Variants in CEP295NL observed in about 807,000 individuals in gnomAD.
CEP295NL encodes protein DDC8 homolog.
CEP295NL carries 3 observed loss-of-function variants against 4.6 expected under a neutral mutation model. That is an observed-to-expected ratio of 0.65 (90% CI 0.30 to 1.69). The LOEUF is 1.69. Among genes scored for constraint, CEP295NL ranks in the 40% most tolerant of loss-of-function variants. CEP295NL has a pLI of 0.10. For missense variants in CEP295NL, 719 were observed against 769.0 expected (o/e 0.93, Z 0.77); for synonymous variants, 295 against 312.2 (o/e 0.94, Z 0.58).
At position 78,890,755 on chromosome 17, in the gene CEP295NL, G is replaced by A; in HGVS notation, c.1749C>T (p.Asp583=). ...SPSGTSLADD[D]RHSQMIRDQQ... is the part of the protein sequence containing the mutation. Reference sequence around the variant, plus strand: ...GGTCTCGGATCATCTGACTGTGCCGGTCGTCGTCGGCGAGGCTGGTGCCCG... The same window carrying A: ...GGTCTCGGATCATCTGACTGTGCCGATCGTCGTCGGCGAGGCTGGTGCCCG... The change falls in exon 3 of 3, where the codon GAC becomes GAT. Residue 583 remains aspartate (D), a synonymous_variant. Coordinates refer to ENST00000322630, the MANE Select transcript of CEP295NL (RefSeq NM_001243540.2). 1 of 1,550,662 alleles carries A rather than the reference G, an allele frequency of 6.4e-7. No individual in the cohort carries two copies.
intron 2 of CEP295NL, among the ~76,000 whole-genome samples, chr17:78,893,305 G>T (rs1438296848): frequency 6.8e-6 from 1 of 146,082 alleles, no homozygotes; most frequent in Non-Finnish European, 1.5e-5. Flanking sequence ...GTGTGCAGGG[G>T]TGTATGTGCA....
Position 78,892,155 on chromosome 17 carries a change from C to T in CEP295NL, c.349G>A (p.Gly117Arg). 3 of 1,550,952 alleles carry T rather than the reference C, an allele frequency of 1.9e-6. No homozygotes were observed. The highest frequency in any genetic ancestry group is 2.6e-6 in the Non-Finnish European group (3 of 1,147,112). ...TGCAGGTGCTGTGCCTCCTGATACC[C>T]TCTCCTCAACTCCTCAGCCAAGCGC... is the stretch of plus-strand genomic sequence containing the variant. ...LQRLAEELRR[G>R]YQEAQHLHVG... The change falls in exon 3 of 3, where the codon GGG (glycine) becomes AGG (arginine). Residue 117 changes from glycine (G) to arginine (R), a missense_variant. Transcript: ENST00000322630.
chr17:78,894,407 A>AGG (rs2069965692), intron 2 of CEP295NL, among the ~76,000 whole-genome samples: 1 of 152,106 alleles, frequency 6.6e-6, no homozygotes. Flanking sequence ...AGATCACACA[A>AGG]TTAGAATAGT....
chr17:78,891,083 G>A lies in CEP295NL; in HGVS notation c.1421C>T (p.Thr474Ile). Residue 474 changes from threonine (T) to isoleucine (I), a missense_variant, in exon 3 of 3, where the codon ACC becomes ATC. Coordinates refer to ENST00000322630, the MANE Select transcript of CEP295NL (RefSeq NM_001243540.2). The surrounding 1 kb of genome is among the most constrained non-coding windows in gnomAD (Gnocchi z 4.5). ...CTCTGCCAGCGTGCCCAGTTTGGGGGTCTCTTGTCCAGATTCAGTGCTATA... is the reference window on the plus strand; with the variant it reads ...CTCTGCCAGCGTGCCCAGTTTGGGGATCTCTTGTCCAGATTCAGTGCTATA... Reference protein sequence around the residue: ...LLYSTESGQETPKLGTLAEGS... With the variant: ...LLYSTESGQEIPKLGTLAEGS... 1.3e-6 allele frequency: 2 copies of A among 1,550,930 alleles called. No individual in the cohort carries two copies. The highest frequency in any genetic ancestry group is 1.7e-6 in the Non-Finnish European group (2 of 1,147,064).
intron 2 of CEP295NL, 159 bp from the exon 3 acceptor site, chr17:78,892,618 C>T: frequency 8.9e-7 from 1 of 1,128,204 alleles, no homozygotes; most frequent in Non-Finnish European, 1.2e-6. Flanking sequence ...CCACTCTCAG[C>T]CTCCCAATTT....
chr17:78,900,873 TGGGCCACCAGAA>T (rs1409245726), intron 2 of CEP295NL: 2 of 152,246 alleles, frequency 1.3e-5, no homozygotes, highest in Non-Finnish European at 2.9e-5. Flanking sequence ...CAAAAGACGC[TGGGCCACCAGAA>T]GGGCCAACGT....
chr17:78,901,402 C>T (rs1049211689), intron 2 of CEP295NL: 12 of 256,324 alleles, frequency 4.7e-5, no homozygotes, highest in Non-Finnish European at 5.3e-5. Flanking sequence ...CAAATCTGAA[C>T]GAGGGAGAGG....
intron 2 of CEP295NL, chr17:78,897,096 C>A (rs1186241113): frequency 2.4e-6 from 1 of 423,542 alleles, no homozygotes; most frequent in Non-Finnish European, 2.8e-6. Context: ...ACAGACAGCA[C>A]CCCCCCGCCC....
At chr17:78,900,785 C>A (rs1219689187) in intron 2 of CEP295NL, among the ~76,000 whole-genome samples, 1 of 152,200 alleles carries the variant, frequency 6.6e-6, no homozygotes, top group Non-Finnish European at 1.5e-5. Flanking sequence ...GTAATGGGAA[C>A]ACATCTAAAA....
intron 2 of CEP295NL, chr17:78,898,258 A>T (rs2070034261): frequency 6.6e-6 from 1 of 152,254 alleles, no homozygotes; most frequent in Admixed American, 6.5e-5. Context: ...TGACAGGGAA[A>T]TTGAGACTCA....
intron 2 of CEP295NL, among the ~76,000 whole-genome samples, chr17:78,892,928 G>A (rs1169164684): frequency 6.6e-6 from 1 of 152,140 alleles, no homozygotes; most frequent in Non-Finnish European, 1.5e-5. Context: ...GGGGCACAAA[G>A]GGCAGCCCTT....
In CEP295NL at chr17:78,891,565, T is replaced by C; in HGVS notation, c.939A>G (p.Pro313=). Residue 313 remains proline, a synonymous_variant, in exon 3 of 3, where the codon CCA becomes CCG. Coordinates refer to ENST00000322630, the MANE Select transcript of CEP295NL (RefSeq NM_001243540.2). This position sits in a 1 kb window ranked among gnomAD's most constrained non-coding sequence, Gnocchi z 4.5. ...CTTCCCTTCTGCAGCTGGAATCAGCTGGCCACAGCTGCCCGAGGTCTCTCA... is the reference window on the plus strand; with the variant it reads ...CTTCCCTTCTGCAGCTGGAATCAGCCGGCCACAGCTGCCCGAGGTCTCTCA... ...GKLRDLGQLW[P]ADSSCRREAV... is the part of the protein sequence containing the mutation. The C allele has an allele frequency of 6.4e-7, 1 of 1,550,920 alleles. No homozygotes were observed.
intron 2 of CEP295NL, among the ~76,000 whole-genome samples, chr17:78,895,609 G>A (rs1057369171): frequency 6.6e-6 from 1 of 152,216 alleles, no homozygotes; most frequent in East Asian, 1.9e-4. Context: ...CTTACCCTAT[G>A]ACCCAGAGAT....
chr17:78,899,504 G>C (rs904635632), intron 2 of CEP295NL: 2 of 152,216 alleles, frequency 1.3e-5, no homozygotes, highest in Non-Finnish European at 1.5e-5. Flanking sequence ...TCCTATCCCA[G>C]CCCCTGCGGG....
rs111654265 is a variant in CEP295NL, at chr17:78,891,350, C to T, written c.1154G>A (p.Cys385Tyr). ...CTTCCCTCTTGGGGTCCCAGCGCCA[C>T]ACTCTTGCATCTCTGAGAAGGCATG... ...EGHAFSEMQE[C>Y]GAGTPRGKKM... Residue 385 changes from cysteine to tyrosine, a missense_variant, in exon 3 of 3, where the codon TGT (cysteine) becomes TAT (tyrosine). By Grantham distance (194) the Cys-to-Tyr change is radical. Transcript: ENST00000322630. The surrounding 1 kb of genome is among the most constrained non-coding windows in gnomAD (Gnocchi z 4.5). 1.3e-6 allele frequency: 2 copies of T among 1,550,450 alleles called. No individual in the cohort carries two copies. The highest frequency in any genetic ancestry group is 2.4e-5 in the South Asian group (2 of 84,064).
Position 78,890,997 on chromosome 17 carries a change from G to C in CEP295NL, c.1507C>G (p.Gln503Glu), listed in dbSNP as rs2069882325. Residue 503 changes from glutamine (Q) to glutamate (E), a missense_variant, in exon 3 of 3, where the codon CAA becomes GAA. Coordinates refer to ENST00000322630, the MANE Select transcript of CEP295NL (RefSeq NM_001243540.2). ...ADRVGSTASR[Q>E]RQKAEMEQRR... ...TGCTCCATCTCTGCTTTCTGCCTTT[G>C]CCTGGATGCCGTCGAGCCCACTCTG... The C allele has an allele frequency of 6.4e-7, 1 of 1,551,016 alleles. No individual in the cohort carries two copies. Among genetic ancestry groups the C allele is most frequent in the African/African-American group, 1.4e-5 (1 of 73,006 alleles).
At chr17:78,898,722 T>G (rs1443580578) in intron 2 of CEP295NL, 1 of 152,416 alleles carries the variant, frequency 6.6e-6, no homozygotes, top group African/African-American at 2.4e-5. Context: ...GGCCCAAGAC[T>G]CTGCATTTCT....
chr17:78,899,592 G>T (rs371174360), intron 2 of CEP295NL: 4 of 152,210 alleles, frequency 2.6e-5, no homozygotes, highest in African/African-American at 4.8e-5. Context: ...GCTTGAGAAC[G>T]GTCAAGCAGC....
At chr17:78,894,715 G>A (rs551019625) in intron 2 of CEP295NL, among the ~76,000 whole-genome samples, 1 of 152,098 alleles carries the variant, frequency 6.6e-6, no homozygotes, top group South Asian at 2.1e-4. Flanking sequence ...AAACGTAGGT[G>A]TATATTCATG....
Sources: allele counts gnomAD v4.1 joint callset (sites outside exome capture counted in the v4.1 genomes callset), GRCh38; gene constraint gnomAD v4.1.1; non-coding constraint Gnocchi (gnomAD v3.1); transcripts MANE v1.5; gene names NCBI Gene and HGNC (gene_info 2026-07-23, HGNC 2026-07-21).